The following UGT2B7 variants were observed in gnomAD, a reference collection of about 807,000 sequenced individuals.
UGT2B7 encodes the protein UDP glucuronosyltransferase family 2 member B7.
Under a neutral mutation model 51.9 loss-of-function variants are expected in UGT2B7, and 51 were observed. The ratio of observed to expected loss-of-function variants is 0.98; its 90% confidence interval spans 0.78 to 1.24. UGT2B7 has a LOEUF of 1.24. Among genes scored for constraint, UGT2B7 ranks in the 50% most tolerant of loss-of-function variants. UGT2B7 has a pLI of 0.00. For synonymous variants in UGT2B7, 225 were observed against 211.6 expected (o/e 1.06, Z -0.55); for missense variants, 727 against 628.4 (o/e 1.16, Z -1.68).
At chr4:69,110,822 G>A (rs1387792839) in intron 5 of UGT2B7, among the ~76,000 whole-genome samples, 1 of 152,064 alleles carries the variant, frequency 6.6e-6, no homozygotes, top group Non-Finnish European at 1.5e-5. Context: ...TTCACCTCAA[G>A]ATAATGTTCA....
chr4:69,106,940 T>G (rs1035333907), intron 3 of UGT2B7, among the ~76,000 whole-genome samples: 2 of 152,148 alleles, frequency 1.3e-5, no homozygotes, highest in African/African-American at 4.8e-5. Context: ...CTTGAAATTT[T>G]CATTGATAAT....
chr4:69,107,537 C>G (rs1360924193), intron 4 of UGT2B7, among the ~76,000 whole-genome samples: 2 of 152,124 alleles, frequency 1.3e-5, no homozygotes, highest in Non-Finnish European at 2.9e-5. Flanking sequence ...TGGGCTGTCT[C>G]TCTGTCTCCT....
At chr4:69,097,601 G>C (rs1719285092) in intron 1 of UGT2B7, among the ~76,000 whole-genome samples, 1 of 152,022 alleles carries the variant, frequency 6.6e-6, no homozygotes, top group African/African-American at 2.4e-5. Flanking sequence ...AGAATGAGTA[G>C]TTACACATTT....
chr4:69,097,479 C>T lies in UGT2B7; in HGVS notation c.721+238C>T, dbSNP rs1423616754. 1.3e-5 allele frequency among the ~76,000 whole-genome samples: 2 copies of T among 152,224 alleles called. No homozygotes were observed. The highest frequency in any genetic ancestry group is 2.9e-5 in the Non-Finnish European group (2 of 67,982). On this transcript the variant is annotated intron_variant, in intron 1 of 5. Transcript: ENST00000305231. ...CACCCCAGGAAATCATAAACCTATA[C>T]ATTAGTGCATCTAAGACTTTAAGCA...
intron 1 of UGT2B7, among the ~76,000 whole-genome samples, chr4:69,065,153 TCTTTA>T (rs1718458646): frequency 6.6e-6 from 1 of 152,150 alleles, no homozygotes; most frequent in Admixed American, 6.5e-5. Context: ...AATCTGGGGC[TCTTTA>T]CTTACCCTAA....
chr4:69,057,650 G>A (rs1226231074), intron 1 of UGT2B7, among the ~76,000 whole-genome samples: 2 of 152,210 alleles, frequency 1.3e-5, no homozygotes, highest in East Asian at 3.8e-4. Flanking sequence ...TGAGCAAAGT[G>A]TAGGAACAAC....
chr4:69,099,594 A>G (rs1163617014), intron 2 of UGT2B7, among the ~76,000 whole-genome samples: 1 of 152,026 alleles, frequency 6.6e-6, no homozygotes, highest in Non-Finnish European at 1.5e-5. Flanking sequence ...TAGAAAGTTG[A>G]TAGAAATCAT....
chr4:69,072,919 C>T (rs1376722115), intron 1 of UGT2B7, among the ~76,000 whole-genome samples: 4 of 152,072 alleles, frequency 2.6e-5, no homozygotes, highest in Non-Finnish European at 5.9e-5. Flanking sequence ...TGAATCTTGG[C>T]AAAATTTGGA....
chr4:69,054,029 C>T (rs1183492236), intron 1 of UGT2B7, among the ~76,000 whole-genome samples: 1 of 152,012 alleles, frequency 6.6e-6, no homozygotes, highest in East Asian at 1.9e-4. Context: ...CAATTTAAAG[C>T]TTGAAATCAA....
intron 1 of UGT2B7, among the ~76,000 whole-genome samples, chr4:69,089,156 G>A (rs1719029566): frequency 6.6e-6 from 1 of 151,990 alleles, no homozygotes; most frequent in Admixed American, 6.6e-5. Context: ...ACTCCTCAAG[G>A]AATACTTTTA....
At chr4:69,087,572 T>G (rs1718990182) in intron 1 of UGT2B7, among the ~76,000 whole-genome samples, 1 of 152,028 alleles carries the variant, frequency 6.6e-6, no homozygotes, top group African/African-American at 2.4e-5. Context: ...GTGAGTGTCC[T>G]TTTCTTTCCA....
intron 1 of UGT2B7, among the ~76,000 whole-genome samples, chr4:69,087,060 T>TTCTCTCTCTCTCTATCTGTCTCTCTC (rs1718977421): frequency 6.7e-6 from 1 of 148,764 alleles, no homozygotes; most frequent in Admixed American, 6.7e-5. Context: ...CTGTCTCTCT[T>TTCTCTCTCTCTCTATCTGTCTCTCTC]TCTCTCTCTC....
chr4:69,061,864 G>A (rs955685150), intron 1 of UGT2B7, among the ~76,000 whole-genome samples: 1 of 152,132 alleles, frequency 6.6e-6, no homozygotes, highest in African/African-American at 2.4e-5. Flanking sequence ...CCCCAAGCAG[G>A]GGTCTATAGG....
chr4:69,070,236 T>C lies in UGT2B7; in HGVS notation c.-159+18634T>C, dbSNP rs796283470. 1.2e-4 allele frequency among the ~76,000 whole-genome samples: 17 copies of C among 147,634 alleles called. No individual in the cohort carries two copies. The South Asian group carries it at 1.5e-3, about 13-fold the overall frequency. Reference sequence around the variant, plus strand: ...TTCTTTTATATATATATTTATATAATATATCATAAATTTATATATTTTATA... The same window carrying C: ...TTCTTTTATATATATATTTATATAACATATCATAAATTTATATATTTTATA... On this transcript the variant is annotated intron_variant, in intron 1 of 5. Coordinates refer to the UGT2B7 transcript ENST00000502942.
intron 1 of UGT2B7, among the ~76,000 whole-genome samples, chr4:69,079,767 A>C (rs1214541087): frequency 6.6e-6 from 1 of 152,080 alleles, no homozygotes; most frequent in East Asian, 1.9e-4. Flanking sequence ...CACATAAGCA[A>C]AATTTACTTA....
intron 1 of UGT2B7, among the ~76,000 whole-genome samples, chr4:69,073,658 C>A (rs1477347424): frequency 6.6e-6 from 1 of 152,044 alleles, no homozygotes; most frequent in Non-Finnish European, 1.5e-5. Flanking sequence ...ACACTTGAGA[C>A]AAACACATTG....
Position 69,097,126 on chromosome 4 carries a change from T to A in UGT2B7, c.606T>A (p.Thr202=). The change falls in exon 1 of 6, where the codon ACT becomes ACA. Residue 202 remains threonine, a synonymous_variant. Coordinates refer to ENST00000305231, the MANE Select transcript of UGT2B7 (RefSeq NM_001074.4). ...TACCTGTTGTTATGTCAGAATTAAC[T>A]GATCAAATGACTTTCATGGAGAGGG... ...SYVPVVMSEL[T]DQMTFMERVK... The A allele has an allele frequency of 6.2e-7, 1 of 1,613,712 alleles. No individual in the cohort carries two copies. The highest frequency in any genetic ancestry group is 1.1e-5 in the South Asian group (1 of 91,072).
chr4:69,099,178 T>C (rs1349649391), intron 2 of UGT2B7, among the ~76,000 whole-genome samples: 4 of 149,234 alleles, frequency 2.7e-5, no homozygotes, highest in African/African-American at 9.9e-5. Context: ...TAATAGAAAG[T>C]ATCCTGCAGT....
chr4:69,072,766 A>G (rs1718627379), intron 1 of UGT2B7, among the ~76,000 whole-genome samples: 1 of 152,146 alleles, frequency 6.6e-6, no homozygotes, highest in Non-Finnish European at 1.5e-5. Flanking sequence ...ACTAGCTGGC[A>G]AAGGAGGAAT....
Sources: allele counts gnomAD v4.1 joint callset (sites outside exome capture counted in the v4.1 genomes callset), GRCh38; gene constraint gnomAD v4.1.1; transcripts MANE v1.5; gene names NCBI Gene and HGNC (gene_info 2026-07-23, HGNC 2026-07-21).